SCPPPQ1: variants seen among roughly 807,000 people sequenced by gnomAD.
SCPPPQ1 encodes the protein secretory calcium-binding phosphoprotein proline- and glutamine-rich 1.
the SCPPPQ1 span, among the ~76,000 whole-genome samples, chr4:87,464,195 T>C: frequency 1.2e-4 from 19 of 152,148 alleles, no homozygotes; most frequent in Non-Finnish European, 2.9e-5. Context: ...GATCATTAGG[T>C]GTGAGGACCT....
chr4:87,464,720 C>T, the SCPPPQ1 span, among the ~76,000 whole-genome samples: 2 of 152,088 alleles, frequency 1.3e-5, no homozygotes, highest in Non-Finnish European at 2.9e-5. Flanking sequence ...TCCCTGTAGT[C>T]CCAGCTACTC....
the SCPPPQ1 span, among the ~76,000 whole-genome samples, chr4:87,470,711 A>T: frequency 6.6e-6 from 1 of 152,190 alleles, no homozygotes; most frequent in East Asian, 1.9e-4. Context: ...ATTAAGACTT[A>T]TCTCCAGCAT....
At chr4:87,469,947 CT>C in the SCPPPQ1 span, among the ~76,000 whole-genome samples, 12,175 of 113,646 alleles carry the variant, frequency 0.11, 297 homozygotes, top group East Asian at 0.21. Flanking sequence ...ACACACAAAT[CT>C]TTTTTTTTTT....
the SCPPPQ1 span, among the ~76,000 whole-genome samples, chr4:87,470,947 G>C: frequency 6.6e-6 from 1 of 151,964 alleles, no homozygotes; most frequent in Admixed American, 6.6e-5. Flanking sequence ...CCCAATACAA[G>C]AATATGTTAC....
At chr4:87,467,154 T>A in the SCPPPQ1 span, among the ~76,000 whole-genome samples, 2 of 152,288 alleles carry the variant, frequency 1.3e-5, no homozygotes, top group East Asian at 3.9e-4. Flanking sequence ...CTCGAAATAC[T>A]TATCAAATTA....
chr4:87,461,190 A>C, the SCPPPQ1 span, among the ~76,000 whole-genome samples: 2 of 152,304 alleles, frequency 1.3e-5, no homozygotes, highest in South Asian at 4.1e-4. Context: ...TTCTATCCAC[A>C]TCCTGTTAGG....
chr4:87,470,420 C>G, the SCPPPQ1 span, among the ~76,000 whole-genome samples: 1 of 152,052 alleles, frequency 6.6e-6, no homozygotes, highest in Non-Finnish European at 1.5e-5. Context: ...TTCATATAGT[C>G]TGGTTGCTGT....
the SCPPPQ1 span, among the ~76,000 whole-genome samples, chr4:87,470,552 C>G: frequency 1.3e-5 from 2 of 151,662 alleles, no homozygotes; most frequent in African/African-American, 4.9e-5. Flanking sequence ...AATCAACTGG[C>G]CTTTTATTGG....
chr4:87,463,149 G>T, the SCPPPQ1 span, among the ~76,000 whole-genome samples: 2 of 152,132 alleles, frequency 1.3e-5, no homozygotes, highest in African/African-American at 4.8e-5. Flanking sequence ...GATTTTGGAG[G>T]AAATGAGTTT....
chr4:87,464,917 A>G, the SCPPPQ1 span, among the ~76,000 whole-genome samples: 1 of 152,222 alleles, frequency 6.6e-6, no homozygotes, highest in Non-Finnish European at 1.5e-5. Context: ...TTTGTATGAT[A>G]CTGAATCCGC....
the SCPPPQ1 span, among the ~76,000 whole-genome samples, chr4:87,465,204 G>A: frequency 6.6e-6 from 1 of 152,090 alleles, no homozygotes. Context: ...GTATTAAAGG[G>A]CAGACATGGA....
At chr4:87,464,384 C>G in the SCPPPQ1 span, among the ~76,000 whole-genome samples, 1 of 151,862 alleles carries the variant, frequency 6.6e-6, no homozygotes, top group Non-Finnish European at 1.5e-5. Context: ...AACCCCAAAC[C>G]TATCTCTGGA....
the SCPPPQ1 span, among the ~76,000 whole-genome samples, chr4:87,465,192 A>G: frequency 6.6e-6 from 1 of 152,164 alleles, no homozygotes; most frequent in South Asian, 2.1e-4. Flanking sequence ...GATAATTCCA[A>G]AGTATTAAAG....
the SCPPPQ1 span, among the ~76,000 whole-genome samples, chr4:87,465,195 T>C: frequency 6.6e-6 from 1 of 152,134 alleles, no homozygotes; most frequent in African/African-American, 2.4e-5. Flanking sequence ...AATTCCAAAG[T>C]ATTAAAGGGC....
the SCPPPQ1 span, among the ~76,000 whole-genome samples, chr4:87,470,566 A>G: frequency 2.6e-5 from 4 of 152,220 alleles, no homozygotes; most frequent in African/African-American, 9.6e-5. Context: ...TTATTGGTCC[A>G]TTGGTTCTGA....
the SCPPPQ1 span, among the ~76,000 whole-genome samples, chr4:87,463,730 C>T: frequency 7.2e-5 from 11 of 152,104 alleles, no homozygotes; most frequent in African/African-American, 2.7e-4. Context: ...TTAAGAAACC[C>T]TCTGTGTACA....
the SCPPPQ1 span, among the ~76,000 whole-genome samples, chr4:87,461,319 G>C: frequency 6.6e-6 from 1 of 152,172 alleles, no homozygotes; most frequent in Non-Finnish European, 1.5e-5. Flanking sequence ...AAGCTATTCT[G>C]TCTGTTGTAT....
chr4:87,467,630 A>G, the SCPPPQ1 span, among the ~76,000 whole-genome samples: 8 of 152,184 alleles, frequency 5.3e-5, no homozygotes, highest in African/African-American at 1.9e-4. Flanking sequence ...TTTGGAGGGA[A>G]ATTTGCTAGC....
chr4:87,468,058 C>T, the SCPPPQ1 span, among the ~76,000 whole-genome samples: 7 of 152,318 alleles, frequency 4.6e-5, no homozygotes, highest in African/African-American at 1.7e-4. Context: ...TATGGAAATA[C>T]ATTATCCACT....
Sources: allele counts gnomAD v4.1 joint callset (sites outside exome capture counted in the v4.1 genomes callset), GRCh38; gene constraint gnomAD v4.1.1; transcripts MANE v1.5; gene names NCBI Gene and HGNC (gene_info 2026-07-23, HGNC 2026-07-21).